The following CNKSR2 variants were observed in gnomAD, a reference collection of about 807,000 sequenced individuals.
The protein encoded by CNKSR2 is connector enhancer of kinase suppressor of Ras 2.
A neutral mutation model predicts 84.4 loss-of-function variants in CNKSR2; 14 were observed. The observed-to-expected ratio is 0.17, with a 90% CI of 0.11 to 0.26. The LOEUF (loss-of-function observed/expected upper bound fraction) is 0.26, where lower values mean the gene tolerates loss of function less well. Ranked by LOEUF, CNKSR2 falls within the 10% of genes least tolerant of loss-of-function variation. The pLI, the probability that CNKSR2 is intolerant of heterozygous loss-of-function variation, is 1.00. For synonymous variants in CNKSR2, 275 were observed against 277.9 expected (o/e 0.99, Z 0.10); for missense variants, 485 against 771.2 (o/e 0.63, Z 4.40).
intron 13 of CNKSR2, among the ~76,000 whole-genome samples, chrX:21,589,015 G>A (rs1220347553): frequency 8.9e-6 from 1 of 112,549 alleles, no homozygotes; most frequent in African/African-American, 3.2e-5. Context: ...GAAGCAAAGT[G>A]CATTCAAGAA....
At chrX:21,378,209 C>A (rs1477396906) in intron 1 of CNKSR2, among the ~76,000 whole-genome samples, 2 of 111,252 alleles carry the variant, frequency 1.8e-5, no homozygotes, top group Non-Finnish European at 3.8e-5. Context: ...ATCTTATAGA[C>A]CTTCAAATTA....
At chrX:21,492,912 G>A (rs1033485597) in intron 6 of CNKSR2, 1 of 111,996 alleles carries the variant, frequency 8.9e-6, no homozygotes, top group Non-Finnish European at 1.9e-5. Context: ...ATTAGCCATA[G>A]TAAATGTCTA....
chrX:21,444,844 G>T (rs1017383421), intron 4 of CNKSR2, among the ~76,000 whole-genome samples: 1 of 110,335 alleles, frequency 9.1e-6, no homozygotes, highest in Middle Eastern at 4.7e-3. Flanking sequence ...TTCATTTTCT[G>T]CAAGATATGT....
chrX:21,482,226 G>T (rs1177084011), intron 5 of CNKSR2, among the ~76,000 whole-genome samples: 2 of 112,007 alleles, frequency 1.8e-5, no homozygotes, highest in South Asian at 3.7e-4. Context: ...TAAATATAAG[G>T]TACTATATTG....
intron 20 of CNKSR2, among the ~76,000 whole-genome samples, chrX:21,622,618 A>G (rs1408136660): frequency 3.6e-5 from 4 of 111,697 alleles, no homozygotes; most frequent in African/African-American, 1.3e-4. Context: ...AAATTACATA[A>G]TGTGTTTCTT....
At position 21,606,888 on chromosome X, in the gene CNKSR2, G is replaced by A. The variant is rs768839359; in HGVS notation, c.2145+9G>A. On this transcript the variant is annotated intron_variant, in intron 19 of 21. Coordinates refer to ENST00000379510, the MANE Select transcript of CNKSR2 (RefSeq NM_014927.5). ...ACCCACGACCTCCCTCGGTAAGTTA[G>A]CAACAAGAACATTACTTATCACCAG... 3.8e-5 allele frequency: 38 copies of A among 1,007,353 alleles called. 2 individuals carry two copies. In the South Asian group the frequency reaches 8.1e-4, roughly 22 times the overall value. The allele number at this position is 1,007,353 out of a possible 1,213,427, so 83.0% of individuals were successfully genotyped here.
At chrX:21,637,405 C>T (rs1389507694) in intron 20 of CNKSR2, 1 of 111,600 alleles carries the variant, frequency 9.0e-6, no homozygotes, top group Non-Finnish European at 1.9e-5. Context: ...TAAAGAACTC[C>T]ATAAGTGCTG....
At chrX:21,617,157 T>C (rs924323114) in intron 20 of CNKSR2, among the ~76,000 whole-genome samples, 3 of 111,653 alleles carry the variant, frequency 2.7e-5, no homozygotes, top group Non-Finnish European at 3.8e-5. Context: ...CACACTGTTA[T>C]CTGCTATTAT....
At chrX:21,631,690 T>C (rs1487953997) in intron 20 of CNKSR2, among the ~76,000 whole-genome samples, 1 of 112,272 alleles carries the variant, frequency 8.9e-6, no homozygotes, top group African/African-American at 3.2e-5. Context: ...TATTAAAGAA[T>C]GCAACATTAA....
intron 20 of CNKSR2, among the ~76,000 whole-genome samples, chrX:21,635,186 G>T (rs1051736964): frequency 1.8e-5 from 2 of 108,961 alleles, no homozygotes; most frequent in African/African-American, 6.7e-5. Context: ...AAAATCTAAA[G>T]ACATTATTTC....
intron 4 of CNKSR2, among the ~76,000 whole-genome samples, chrX:21,458,010 G>A (rs146744938): frequency 9.0e-6 from 1 of 111,507 alleles, no homozygotes; most frequent in East Asian, 2.8e-4. Flanking sequence ...GAATAAGAAG[G>A]GATACATCTT....
At chrX:21,611,469 A>T (rs1224606864) in intron 20 of CNKSR2, among the ~76,000 whole-genome samples, 1 of 112,468 alleles carries the variant, frequency 8.9e-6, no homozygotes, top group Non-Finnish European at 1.9e-5. Context: ...CATCCTGGTC[A>T]TTGAATAAGG....
At chrX:21,578,456 G>T (rs1049801761) in intron 13 of CNKSR2, among the ~76,000 whole-genome samples, 1 of 109,395 alleles carries the variant, frequency 9.1e-6, no homozygotes, top group Non-Finnish European at 1.9e-5. Context: ...TAGCTATATA[G>T]GTCAGCTATA....
chrX:21,537,428 C>G (rs1316147982), intron 11 of CNKSR2, among the ~76,000 whole-genome samples: 1 of 111,343 alleles, frequency 9.0e-6, no homozygotes, highest in Non-Finnish European at 1.9e-5. Context: ...TTGATTATCT[C>G]TCTAGATGAC....
intron 8 of CNKSR2, among the ~76,000 whole-genome samples, chrX:21,514,413 A>G (rs993479500): frequency 8.9e-6 from 1 of 112,004 alleles, no homozygotes; most frequent in African/African-American, 3.2e-5. Flanking sequence ...ATTAAATAAC[A>G]TCAGCTGTAA....
chrX:21,479,458 A>G (rs761327083), intron 5 of CNKSR2, among the ~76,000 whole-genome samples: 9 of 111,606 alleles, frequency 8.1e-5, no homozygotes, highest in African/African-American at 2.6e-4. Context: ...TCAATGCTAT[A>G]TATTTTTTTA....
intron 5 of CNKSR2, among the ~76,000 whole-genome samples, chrX:21,472,183 A>G (rs1006206720): frequency 8.9e-6 from 1 of 111,799 alleles, no homozygotes; most frequent in Admixed American, 9.5e-5. Flanking sequence ...ACTAAGGAGC[A>G]TGCACAGACC....
At chrX:21,395,679 G>A (rs919987756) in intron 1 of CNKSR2, among the ~76,000 whole-genome samples, 3 of 111,404 alleles carry the variant, frequency 2.7e-5, no homozygotes, top group African/African-American at 9.8e-5. Flanking sequence ...CTTAAAAGCT[G>A]TAAGATTTGG....
At chrX:21,484,822 G>GT (rs1428615433) in intron 5 of CNKSR2, among the ~76,000 whole-genome samples, 2 of 111,872 alleles carry the variant, frequency 1.8e-5, no homozygotes, top group East Asian at 5.6e-4. Flanking sequence ...TGACATAAGA[G>GT]TTTTTTCTGT....
Sources: allele counts gnomAD v4.1 joint callset (sites outside exome capture counted in the v4.1 genomes callset), GRCh38; gene constraint gnomAD v4.1.1; transcripts MANE v1.5; gene names NCBI Gene and HGNC (gene_info 2026-07-23, HGNC 2026-07-21).